SEPTIN4: variants seen among roughly 807,000 people sequenced by gnomAD.
SEPTIN4 encodes septin 4, also known as septin-4.
SEPTIN4 carries 52 observed loss-of-function variants against 107.1 expected under a neutral mutation model. That is an observed-to-expected ratio of 0.49 (90% CI 0.39 to 0.61). The LOEUF (loss-of-function observed/expected upper bound fraction) is 0.61. Among genes scored for constraint, SEPTIN4 ranks in the 20% least tolerant of loss-of-function variants. The probability of loss-of-function intolerance (pLI) is 0.00; values close to 1 mark genes in which losing one functional copy is unlikely to be tolerated. For synonymous variants in SEPTIN4, 417 were observed against 467.0 expected, an observed-to-expected ratio of 0.89 and a Z score of 1.38; for missense variants, 1,048 against 1,243.5, an observed-to-expected ratio of 0.84 and a Z score of 2.36.
At position 58,520,482 on chromosome 17, in the gene SEPTIN4, G is replaced by A. The variant is rs1196703980; in HGVS notation, c.2935C>T (p.Arg979Trp). Reference sequence around the variant, plus strand: ...TTGTGTAGCATCTCCTGCATCCGCCGCAGCTGGAATAGGCACAGGCATCAA... The same window carrying A: ...TTGTGTAGCATCTCCTGCATCCGCCACAGCTGGAATAGGCACAGGCATCAA... ...KLIREKDEEL[R>W]RMQEMLHKIQ... is the part of the protein sequence containing the mutation. The change falls in exon 14 of 14, where the codon CGG (arginine) becomes TGG (tryptophan). Residue 979 changes from arginine to tryptophan, a missense_variant. Coordinates refer to ENST00000672673, the MANE Select transcript of SEPTIN4 (RefSeq NM_001368771.2). The A allele has an allele frequency of 3.7e-6, 6 of 1,613,624 alleles. No homozygotes were observed. Among genetic ancestry groups the A allele is most frequent in the Non-Finnish European group, 5.1e-6 (6 of 1,179,974 alleles).
At chr17:58,542,080 C>T in intron 1 of SEPTIN4, 114 bp from the exon 2 acceptor site, 1 of 1,240,602 alleles carries the variant, frequency 8.1e-7, no homozygotes, top group Non-Finnish European at 1.1e-6. Flanking sequence ...AAGGTGCCCT[C>T]AGCCCTTGGT....
chr17:58,534,733 A>G (rs530146502), intron 3 of SEPTIN4, among the ~76,000 whole-genome samples: 1 of 152,346 alleles, frequency 6.6e-6, no homozygotes, highest in African/African-American at 2.4e-5. Context: ...CTCAGCCACC[A>G]TAGCTCTAGC....
intron 3 of SEPTIN4, among the ~76,000 whole-genome samples, chr17:58,540,249 C>G (rs1356308241): frequency 6.6e-6 from 1 of 151,960 alleles, no homozygotes; most frequent in African/African-American, 2.4e-5. Context: ...GTGTGTAACC[C>G]AAAAAAGCGA....
chr17:58,526,364 C>A, intron 4 of SEPTIN4, 51 bp from the exon 5 acceptor site: 1 of 1,453,084 alleles, frequency 6.9e-7, no homozygotes, highest in Non-Finnish European at 9.1e-7. Context: ...AAAGGGGCCC[C>A]GGCACCCAGC....
chr17:58,525,550 G>A, intron 6 of SEPTIN4, 145 bp downstream of exon 6: 1 of 701,984 alleles, frequency 1.4e-6, no homozygotes, highest in Non-Finnish European at 2.4e-6. Context: ...TGGGCTGCCA[G>A]GCAGTTAGGC....
At chr17:58,529,350 T>C (rs907052387) in intron 3 of SEPTIN4, 2 of 1,473,250 alleles carry the variant, frequency 1.4e-6, no homozygotes, top group African/African-American at 2.8e-5. Flanking sequence ...CAAAAAAGCC[T>C]GTGGAATGTC....
chr17:58,527,373 A>G (rs945968813), intron 3 of SEPTIN4: 1 of 380,264 alleles, frequency 2.6e-6, no homozygotes, highest in African/African-American at 2.1e-5. Flanking sequence ...ACTGATTAAG[A>G]TAGAGCAGAC....
rs2042934921 is a variant in SEPTIN4, at chr17:58,526,686, G to A, written c.1907C>T (p.Ser636Phe). The A allele has an allele frequency of 6.4e-7, 1 of 1,565,850 alleles. No homozygotes were observed. Among genetic ancestry groups the A allele is most frequent in the South Asian group, 1.2e-5 (1 of 83,184 alleles). ...PWGKLDPYDS[S>F]EDDKEYVGFA... ...AGGCAGGGCTGGAGGCTCTACCTCAGAGGAATCATAGGGATCAAGCTTGCC... is the reference window on the plus strand; with the variant it reads ...AGGCAGGGCTGGAGGCTCTACCTCAAAGGAATCATAGGGATCAAGCTTGCC... Residue 636 changes from serine (S) to phenylalanine (F), a missense_variant, in exon 4 of 14, where the codon TCT becomes TTT. Physicochemically the swap from Ser to Phe is radical, Grantham distance 155 (BLOSUM62 -2). Coordinates refer to ENST00000672673, the MANE Select transcript of SEPTIN4 (RefSeq NM_001368771.2).
Position 58,522,094 on chromosome 17 carries a change from G to A in SEPTIN4, c.2224C>T (p.Pro742Ser), listed in dbSNP as rs1397853568. ...DAVNNTECWK[P>S]VAEYIDQQFE... Reference sequence around the variant, plus strand: ...TGCTGATCAATGTATTCTGCCACAGGCTTCCAGCTGGGGCAGGGACAGACA... The same window carrying A: ...TGCTGATCAATGTATTCTGCCACAGACTTCCAGCTGGGGCAGGGACAGACA... Residue 742 changes from proline (P) to serine (S), a missense_variant, in exon 8 of 14, where the codon CCT becomes TCT. Physicochemically the swap from Pro to Ser is moderately conservative, Grantham distance 74 (BLOSUM62 -1). Coordinates refer to ENST00000672673, the MANE Select transcript of SEPTIN4 (RefSeq NM_001368771.2). The A allele has an allele frequency of 6.2e-7, 1 of 1,614,188 alleles. No homozygotes were observed. Among genetic ancestry groups the A allele is most frequent in the South Asian group, 1.1e-5 (1 of 91,084 alleles).
intron 3 of SEPTIN4, among the ~76,000 whole-genome samples, chr17:58,534,016 C>A (rs982027137): frequency 3.7e-4 from 57 of 152,320 alleles, no homozygotes; most frequent in Admixed American, 3.7e-3. Flanking sequence ...GCAGCCCAAC[C>A]AGCTCATCCT....
intron 7 of SEPTIN4, 102 bp from the exon 8 acceptor site, chr17:58,522,203 A>C (rs1160022686): frequency 2.1e-6 from 3 of 1,451,834 alleles, no homozygotes; most frequent in Non-Finnish European, 2.8e-6. Flanking sequence ...AGTGTTTTTA[A>C]GACACTGTTA....
intron 3 of SEPTIN4, chr17:58,527,825 C>T: frequency 2.0e-6 from 2 of 985,600 alleles, no homozygotes. Context: ...TGTCTCCTTA[C>T]CCCCTCTGCC....
Position 58,525,224 on chromosome 17 carries a change from C to T in SEPTIN4, c.2093-23G>A, listed in dbSNP as rs778906017. 3.7e-6 allele frequency: 6 copies of T among 1,612,016 alleles called. No individual in the cohort carries two copies. The East Asian group carries it at 1.1e-4, about 30-fold the overall frequency. On this transcript the variant is annotated intron_variant, in intron 6 of 13. Coordinates refer to ENST00000672673, the MANE Select transcript of SEPTIN4 (RefSeq NM_001368771.2). ...TCTCTGGAGAAAGGGGAAACTGAGG[C>T]CAGGGCAAGGGCAGGGACCTGCCCA...
At chr17:58,540,625 GC>G in intron 3 of SEPTIN4, 40 bp downstream of exon 3, 1 of 1,332,266 alleles carries the variant, frequency 7.5e-7, no homozygotes, top group Non-Finnish European at 9.6e-7. Context: ...TGTGGGGTGG[GC>G]CCAGGAAGAC....
intron 7 of SEPTIN4, 160 bp downstream of exon 7, chr17:58,524,918 T>G: frequency 1.2e-6 from 1 of 835,894 alleles, no homozygotes; most frequent in Non-Finnish European, 1.9e-6. Flanking sequence ...CCCTCTTACT[T>G]TATAAAGGAG....
intron 3 of SEPTIN4, chr17:58,531,919 C>G (rs879470189): frequency 8.1e-4 from 916 of 1,136,244 alleles, no homozygotes; most frequent in Non-Finnish European, 9.1e-4. Context: ...CCTGCGCACC[C>G]CAGCCCTGCC....
intron 3 of SEPTIN4, among the ~76,000 whole-genome samples, chr17:58,537,161 T>C (rs1209230256): frequency 6.6e-6 from 1 of 152,216 alleles, no homozygotes; most frequent in Non-Finnish European, 1.5e-5. Context: ...TGTATATTCC[T>C]GCCCCCATTT....
rs1217086629 is a variant in SEPTIN4 at position 58,531,791 on chromosome 17, CACCGCCGCCCGGCAGCAGTGCCA to C, written c.1615-4836_1615-4814del. 3.3e-5 allele frequency: 19 copies of C among 567,674 alleles called. No homozygotes were observed. The African/African-American group carries it at 3.8e-4, about 11-fold the overall frequency. The allele number at this position is 567,674 out of a possible 1,614,324, so 35.2% of individuals were successfully genotyped here. On this transcript the variant is annotated intron_variant, in intron 3 of 13. Coordinates refer to ENST00000672673, the MANE Select transcript of SEPTIN4 (RefSeq NM_001368771.2). ...AGGGAAAAACTTGGGAGCAGCGACGCACCGCCGCCCGGCAGCAGTGCCAGCCTGTGCCCGGGGCCGGCGACGGC... is the reference window on the plus strand; with the variant it reads ...AGGGAAAAACTTGGGAGCAGCGACGCGCCTGTGCCCGGGGCCGGCGACGGC...
At chr17:58,529,340 C>CA in intron 3 of SEPTIN4, 2 of 1,479,030 alleles carry the variant, frequency 1.4e-6, no homozygotes, top group Non-Finnish European at 1.8e-6. Context: ...TGGCAGGGGC[C>CA]AAAAAAGCCT....
Sources: gnomAD v4.1 joint callset for allele counts (sites outside exome capture counted in the v4.1 genomes callset) on GRCh38, gnomAD v4.1.1 for gene constraint, MANE v1.5 for transcripts, NCBI Gene and HGNC (gene_info 2026-07-23, HGNC 2026-07-21) for gene names.